DHX30: variants seen among roughly 807,000 people sequenced by gnomAD.
The protein encoded by DHX30 is DExH-box helicase 30.
Under a neutral mutation model 116.9 loss-of-function variants are expected in DHX30, and 4 were observed. The ratio of observed to expected loss-of-function variants is 0.03; its 90% CI spans 0.02 to 0.08. DHX30 has a LOEUF of 0.08. DHX30 is among the 10% of genes least tolerant of loss of function. The probability of loss-of-function intolerance (pLI) is 1.00; values close to 1 mark genes in which losing one functional copy is unlikely to be tolerated. For synonymous variants in DHX30, 697 were observed against 651.7 expected (o/e 1.07, Z -1.06); for missense variants, 871 against 1,595.1 (o/e 0.55, Z 7.73).
intron 6 of DHX30, among the ~76,000 whole-genome samples, chr3:47,832,962 T>TTC (rs2036930070): frequency 6.7e-6 from 1 of 148,648 alleles, no homozygotes; most frequent in Non-Finnish European, 1.5e-5. Flanking sequence ...TTTTTTTTTT[T>TTC]CCTGTAGAGA....
intron 6 of DHX30, among the ~76,000 whole-genome samples, chr3:47,833,958 C>T (rs1315553839): frequency 1.3e-5 from 2 of 152,086 alleles, no homozygotes; most frequent in Non-Finnish European, 2.9e-5. Context: ...TTTAGACTTA[C>T]TCTTCTTATA....
At chr3:47,832,742 TC>T (rs1354325899) in intron 6 of DHX30, among the ~76,000 whole-genome samples, 1 of 151,904 alleles carries the variant, frequency 6.6e-6, no homozygotes, top group Non-Finnish European at 1.5e-5. Flanking sequence ...GCTCAAGTGA[TC>T]CTCCCACCTC....
At position 47,848,048 on chromosome 3, in the gene DHX30, G is replaced by A. The variant is rs907698331; in HGVS notation, c.2286+92G>A. The A allele has an allele frequency of 2.3e-5, 36 of 1,587,260 alleles. No individual in the cohort carries two copies. The highest frequency in any genetic ancestry group is 1.8e-4 in the Middle Eastern group (1 of 5,592). ...CCCAGATCTACCTTAGACCTGCTTT[G>A]TGTGTCTTCAGAAGGCCGCGCTTGT... On this transcript the variant is annotated intron_variant, in intron 14 of 21. Coordinates refer to ENST00000445061, the MANE Select transcript of DHX30 (RefSeq NM_138615.3). This position sits in a 1 kb window ranked among gnomAD's most constrained non-coding sequence, Gnocchi z 9.4.
chr3:47,807,228 C>T (rs1208702146), intron 2 of DHX30, among the ~76,000 whole-genome samples: 1 of 151,882 alleles, frequency 6.6e-6, no homozygotes, highest in African/African-American at 2.4e-5. Flanking sequence ...CCATTACTGA[C>T]TGCATTACAA....
At chr3:47,807,906 C>CT (rs1020280151) in intron 2 of DHX30, among the ~76,000 whole-genome samples, 18 of 143,026 alleles carry the variant, frequency 1.3e-4, no homozygotes, top group Admixed American at 2.1e-4. Context: ...TTAAATTTTG[C>CT]TTTTTTTTTT....
Position 47,848,629 on chromosome 3 carries a change from C to G in DHX30, c.2581C>G (p.Leu861Val), listed in dbSNP as rs777721593. ...TGACAGCTGAGCCGTTGCAGGGGTG[C>G]TGGACCAGCGGGAGTACCTGACTAC... ...AVILLQEIGV[L>V]DQREYLTTLG... Residue 861 changes from leucine to valine, a missense_variant, in exon 17 of 22, where the codon CTG (leucine) becomes GTG (valine). Transcript: ENST00000445061. The surrounding 1 kb of genome is among the most constrained non-coding windows in gnomAD (Gnocchi z 9.4). 1 of 1,614,042 alleles carries G rather than the reference C, an allele frequency of 6.2e-7. No homozygotes were observed. The highest frequency in any genetic ancestry group is 8.5e-7 in the Non-Finnish European group (1 of 1,179,962).
Position 47,841,185 on chromosome 3 carries a change from A to C in DHX30, c.668+7A>C. The C allele has an allele frequency of 6.2e-7, 1 of 1,612,852 alleles. No individual in the cohort carries two copies. The highest frequency in any genetic ancestry group is 8.5e-7 in the Non-Finnish European group (1 of 1,179,856). ...CTCCACTCAGGGACTCAAGGTACAG[A>C]TGGAGGATGGGGATGCAGCAGAGGC... On this transcript the variant is annotated splice_region_variant and intron_variant, in intron 7 of 21. Coordinates refer to ENST00000445061, the MANE Select transcript of DHX30 (RefSeq NM_138615.3).
intron 4 of DHX30, chr3:47,825,977 A>G (rs927235381): frequency 2.0e-5 from 3 of 152,236 alleles, no homozygotes; most frequent in African/African-American, 7.2e-5. Flanking sequence ...TTGACACAGG[A>G]GTCTGTCCCA....
chr3:47,837,564 C>T (rs187781139), intron 6 of DHX30, among the ~76,000 whole-genome samples: 1 of 152,268 alleles, frequency 6.6e-6, no homozygotes, highest in Non-Finnish European at 1.5e-5. Flanking sequence ...AGCTCGAGAG[C>T]AGCCTGGCCG....
chr3:47,814,240 C>T lies in DHX30; in HGVS notation c.28+3529C>T, dbSNP rs373204388. Among the ~76,000 whole-genome samples, 104 of 149,652 alleles carry T rather than the reference C, an allele frequency of 6.9e-4. 1 individual carries two copies. Among genetic ancestry groups the T allele is most frequent in the African/African-American group, 2.5e-3 (100 of 40,672 alleles). On this transcript the variant is annotated intron_variant, in intron 3 of 21. Coordinates refer to ENST00000445061, the MANE Select transcript of DHX30 (RefSeq NM_138615.3). ...AGGAGTTCGAGACCAGCCTGGCCAA[C>T]ATGGTGAAACCCCGTCTCTACTAAA...
chr3:47,849,437 C>G lies in DHX30; in HGVS notation c.3088-14C>G. On this transcript the variant is annotated splice_polypyrimidine_tract_variant and intron_variant, in intron 19 of 21. Coordinates refer to ENST00000445061, the MANE Select transcript of DHX30 (RefSeq NM_138615.3). ...CTTGCTCAGCCCCACCCGTCTTTTCCTCCATCCCTGCAGGTGAGGCAGGGC... is the reference window on the plus strand; with the variant it reads ...CTTGCTCAGCCCCACCCGTCTTTTCGTCCATCCCTGCAGGTGAGGCAGGGC... 6.4e-7 allele frequency: 1 copy of G among 1,570,912 alleles called. No homozygotes were observed. The highest frequency in any genetic ancestry group is 1.2e-5 in the South Asian group (1 of 84,148).
intron 18 of DHX30, 28 bp from the exon 19 acceptor site, chr3:47,849,156 GGGGCTGTA>G: frequency 6.2e-7 from 1 of 1,613,370 alleles, no homozygotes; most frequent in Non-Finnish European, 8.5e-7. Flanking sequence ...CCTGTGGCTA[GGGGCTGTA>G]GGTCCACCAC....
Position 47,846,566 on chromosome 3 carries a change from T to C in DHX30, c.1494T>C (p.Ser498=), listed in dbSNP as rs533331394. 4.9e-5 allele frequency: 79 copies of C among 1,614,134 alleles called. No individual in the cohort carries two copies. The South Asian group carries it at 7.6e-4, about 15-fold the overall frequency. ...AACCTCGCCGCATCTCTGCTGTGTC[T>C]GTGGCACAGCGGGTCAGCCACGAAC... ...ITQPRRISAV[S]VAQRVSHELG... Residue 498 remains serine, a synonymous_variant, in exon 11 of 22, where the codon TCT becomes TCC. Coordinates refer to ENST00000445061, the MANE Select transcript of DHX30 (RefSeq NM_138615.3).
chr3:47,841,905 T>C, intron 8 of DHX30, 168 bp downstream of exon 8: 1 of 935,572 alleles, frequency 1.1e-6, no homozygotes, highest in Non-Finnish European at 1.6e-6. Context: ...TGTGATGGAA[T>C]GGAGGTCAAG....
At chr3:47,821,193 T>C (rs2036283174) in intron 4 of DHX30, among the ~76,000 whole-genome samples, 1 of 152,118 alleles carries the variant, frequency 6.6e-6, no homozygotes, top group African/African-American at 2.4e-5. Context: ...TGGGCTCAAG[T>C]GATTTGCCTG....
chr3:47,813,339 CA>C (rs1306256203), intron 3 of DHX30, among the ~76,000 whole-genome samples: 1 of 151,930 alleles, frequency 6.6e-6, no homozygotes, highest in Non-Finnish European at 1.5e-5. Context: ...GACTCCATCT[CA>C]AAAAACAAAA....
intron 6 of DHX30, among the ~76,000 whole-genome samples, chr3:47,831,733 A>G (rs984929718): frequency 7.6e-5 from 11 of 144,076 alleles, no homozygotes; most frequent in Non-Finnish European, 1.4e-4. Context: ...CTGGTTTTGA[A>G]CTCCTGGGTT....
chr3:47,831,924 C>CTTTTTTTTTTTTTTT (rs1448275730), intron 6 of DHX30, among the ~76,000 whole-genome samples: 2 of 120,380 alleles, frequency 1.7e-5, no homozygotes, highest in African/African-American at 2.9e-5. Flanking sequence ...AGGCCTTTTC[C>CTTTTTTTTTTTTTTT]TTTTTCTTTT....
chr3:47,816,599 G>T, intron 3 of DHX30: 1 of 980,806 alleles, frequency 1.0e-6, no homozygotes. Flanking sequence ...CTTGTGATCC[G>T]CTGGCCTCAG....
Sources: gnomAD v4.1 joint callset for allele counts (sites outside exome capture counted in the v4.1 genomes callset) on GRCh38, gnomAD v4.1.1 for gene constraint, Gnocchi (gnomAD v3.1) non-coding constraint, MANE v1.5 for transcripts, NCBI Gene and HGNC (gene_info 2026-07-23, HGNC 2026-07-21) for gene names.